Variants in IPP observed in about 807,000 individuals in gnomAD.
IPP encodes intracisternal A particle-promoted polypeptide, also known as actin-binding protein IPP.
A neutral mutation model predicts 64.1 loss-of-function variants in IPP; 41 were observed. The observed-to-expected ratio is 0.64, with a 90% CI of 0.50 to 0.83. The LOEUF (loss-of-function observed/expected upper bound fraction) is 0.83, where lower values mean the gene tolerates loss of function less well. IPP is among the 40% of genes least tolerant of loss of function. The pLI is 0.00. For synonymous variants in IPP, 214 were observed against 235.2 expected (o/e 0.91, Z 0.83); for missense variants, 649 against 703.0 (o/e 0.92, Z 0.87).
Position 45,729,722 on chromosome 1 carries a change from C to G in IPP, c.772G>C (p.Glu258Gln), listed in dbSNP as rs750843362. 6.2e-7 allele frequency: 1 copy of G among 1,603,542 alleles called. No individual in the cohort carries two copies. The highest frequency in any genetic ancestry group is 8.5e-7 in the Non-Finnish European group (1 of 1,173,412). The part of the protein sequence containing the change: ...LRVALQTLLK[E>Q]YCEVCKSPKE... Reference sequence around the variant, plus strand: ...GGAGATTTGCATACTTCACAGTACTCTTTCAGAAGTGTTTGCAATGCAACA... The same window carrying G: ...GGAGATTTGCATACTTCACAGTACTGTTTCAGAAGTGTTTGCAATGCAACA... The change falls in exon 4 of 9, where the codon GAG (glutamate) becomes CAG (glutamine). Residue 258 changes from glutamate (E) to glutamine (Q), a missense_variant. Physicochemically the swap from Glu to Gln is conservative, Grantham distance 29. Transcript: ENST00000396478.
intron 7 of IPP, 141 bp downstream of exon 7, chr1:45,716,754 A>T (rs1480657813): frequency 1.7e-6 from 1 of 600,794 alleles, no homozygotes; most frequent in African/African-American, 1.9e-5. Flanking sequence ...GATAGGAGGT[A>T]AAAAGCAGAA....
chr1:45,700,004 T>A lies in IPP; in HGVS notation c.1717A>T (p.Ile573Phe). 1 of 1,614,182 alleles carries A rather than the reference T, an allele frequency of 6.2e-7. No homozygotes were observed. Among genetic ancestry groups the A allele is most frequent in the Non-Finnish European group, 8.5e-7 (1 of 1,180,028 alleles). ...SDTWTEIGNM[I>F]TSRCEGGVAV... ...ACGCCCCCTTCACAACGACTGGTGA[T>A]CATGTTACCAATTTCTGTCCATGTA... The change falls in exon 9 of 9, where the codon ATC becomes TTC. Residue 573 changes from isoleucine (I) to phenylalanine (F), a missense_variant. Ile to Phe is a conservative substitution (Grantham distance 21, BLOSUM62 0). Coordinates refer to ENST00000396478, the MANE Select transcript of IPP (RefSeq NM_005897.3).
downstream of IPP, among the ~76,000 whole-genome samples, chr1:45,695,226 G>A (rs1645376662): frequency 6.6e-6 from 1 of 152,164 alleles, no homozygotes; most frequent in African/African-American, 2.4e-5. Context: ...GTGTAGTGGT[G>A]TGGTCATGGC....
chr1:45,748,324 C>T (rs747192116), intron 1 of IPP, among the ~76,000 whole-genome samples: 1 of 151,996 alleles, frequency 6.6e-6, no homozygotes, highest in Non-Finnish European at 1.5e-5. Context: ...TTTTGGGGGA[C>T]AGGGTCTCAC....
chr1:45,700,313 T>C, intron 8 of IPP, 123 bp from the exon 9 acceptor site: 1 of 1,336,746 alleles, frequency 7.5e-7, no homozygotes. Context: ...TCTAGTCAGG[T>C]AAGCATACAG....
chr1:45,747,512 G>C (rs1276614005), intron 1 of IPP, among the ~76,000 whole-genome samples: 2 of 151,994 alleles, frequency 1.3e-5, no homozygotes, highest in Non-Finnish European at 2.9e-5. Flanking sequence ...TAGGCCACCG[G>C]ACACGTTCTA....
Position 45,711,733 on chromosome 1 carries a change from G to A in IPP, c.1530+2513C>T, listed in dbSNP as rs543211133. On this transcript the variant is annotated intron_variant, in intron 8 of 8. Coordinates refer to ENST00000396478, the MANE Select transcript of IPP (RefSeq NM_005897.3). ...CATGCCACTGTACTCTAGCTTAGGCGTCAGAGTAAGACTCTGTCACAAAAA... is the reference window on the plus strand; with the variant it reads ...CATGCCACTGTACTCTAGCTTAGGCATCAGAGTAAGACTCTGTCACAAAAA... 8.1e-5 allele frequency among the ~76,000 whole-genome samples: 12 copies of A among 148,586 alleles called. No homozygotes were observed. In the South Asian group the frequency reaches 1.3e-3, roughly 16 times the overall value.
At chr1:45,749,859 G>T (rs933013761) in intron 1 of IPP, among the ~76,000 whole-genome samples, 1 of 152,110 alleles carries the variant, frequency 6.6e-6, no homozygotes, top group African/African-American at 2.4e-5. Context: ...AGACCAGCCT[G>T]GGCAATACAG....
At chr1:45,713,758 T>C (rs1487988373) in intron 8 of IPP, among the ~76,000 whole-genome samples, 1 of 152,150 alleles carries the variant, frequency 6.6e-6, no homozygotes, top group African/African-American at 2.4e-5. Flanking sequence ...ACAGTCTCAC[T>C]ATGCTGTTCA....
chr1:45,733,192 C>T (rs1014296925), intron 3 of IPP, among the ~76,000 whole-genome samples: 14 of 151,712 alleles, frequency 9.2e-5, no homozygotes, highest in South Asian at 6.3e-4. Flanking sequence ...TTTGGGAGGC[C>T]GAGGTGGGCA....
At chr1:45,738,850 A>AAAAAAAAAAAAAAAAAAC (rs1646017353) in intron 3 of IPP, among the ~76,000 whole-genome samples, 1 of 139,130 alleles carries the variant, frequency 7.2e-6, no homozygotes, top group Admixed American at 7.4e-5. Context: ...AAAAAAAAAA[A>AAAAAAAAAAAAAAAAAAC]AAAAAAAAAA....
chr1:45,740,880 G>A (rs41312641), intron 3 of IPP, 21 bp downstream of exon 3: 14,961 of 1,439,742 alleles, frequency 0.01, 98 homozygotes, highest in Non-Finnish European at 0.012. Flanking sequence ...CAACTAATTC[G>A]ATATATAGCA....
chr1:45,715,533 C>T (rs556068013), intron 7 of IPP, among the ~76,000 whole-genome samples: 5 of 150,826 alleles, frequency 3.3e-5, no homozygotes, highest in Non-Finnish European at 5.9e-5. Context: ...CCCAGCTACT[C>T]AGGAGGCTGA....
chr1:45,710,202 C>T (rs1258013104), intron 8 of IPP, among the ~76,000 whole-genome samples: 2 of 91,560 alleles, frequency 2.2e-5, no homozygotes, highest in Non-Finnish European at 4.4e-5. Flanking sequence ...TCTAGCCTGG[C>T]GAAAGAGAGC....
At chr1:45,747,834 CAAAAAA>C (rs60576414) in intron 1 of IPP, among the ~76,000 whole-genome samples, 1,613 of 38,970 alleles carry the variant, frequency 0.041, 37 homozygotes, top group Middle Eastern at 0.1. Flanking sequence ...GACTCTGTCT[CAAAAAA>C]AAAAAAAAAA....
chr1:45,746,358 T>C lies in IPP; in HGVS notation c.54A>G (p.Lys18=), dbSNP rs1476845473. Residue 18 remains lysine, a synonymous_variant, in exon 2 of 9, where the codon AAA becomes AAG. Transcript: ENST00000396478. ...KAADSPFSSD[K]HAQLILAQIN... ...TTTGGGCCAAGATGAGTTGGGCATG[T>C]TTATCTGATGAAAAAGGACTATCAG... The C allele has an allele frequency of 3.7e-6, 6 of 1,613,888 alleles. No homozygotes were observed. In the South Asian group the frequency reaches 5.5e-5, roughly 15 times the overall value.
intron 8 of IPP, among the ~76,000 whole-genome samples, chr1:45,705,341 A>C (rs1048731231): frequency 6.6e-6 from 1 of 152,250 alleles, no homozygotes; most frequent in Non-Finnish European, 1.5e-5. Context: ...AGTATAAGAT[A>C]AACTGAAAAT....
chr1:45,703,723 C>T (rs1340291209), intron 8 of IPP, among the ~76,000 whole-genome samples: 2 of 152,114 alleles, frequency 1.3e-5, no homozygotes, highest in Non-Finnish European at 2.9e-5. Context: ...ATTAGTATTC[C>T]ATGGAAATTA....
chr1:45,710,240 A>AAG (rs1645572182), intron 8 of IPP, among the ~76,000 whole-genome samples: 3 of 113,232 alleles, frequency 2.6e-5, no homozygotes, highest in African/African-American at 9.8e-5. Context: ...AAAAAAAAAA[A>AAG]AGAGAGAAGC....
Sources: allele counts gnomAD v4.1 joint callset (sites outside exome capture counted in the v4.1 genomes callset), GRCh38; gene constraint gnomAD v4.1.1; transcripts MANE v1.5; gene names NCBI Gene and HGNC (gene_info 2026-07-23, HGNC 2026-07-21).